The following XDH variants were observed in gnomAD, a reference collection of about 807,000 sequenced individuals.
The protein encoded by XDH is xanthine dehydrogenase.
Under a neutral mutation model 156.1 loss-of-function variants are expected in XDH, and 138 were observed. That is an observed-to-expected ratio of 0.88 (90% confidence interval 0.77 to 1.02). The LOEUF (loss-of-function observed/expected upper bound fraction) is 1.02. Among genes scored for constraint, XDH ranks in the 50% least tolerant of loss-of-function variants. XDH has a pLI of 0.00. For missense variants in XDH, 1,849 were observed against 1,684.9 expected (o/e 1.10, Z -1.71); for synonymous variants, 669 against 625.7 (o/e 1.07, Z -1.03).
At chr2:31,381,970 AGT>A (rs1686447815) in intron 11 of XDH, among the ~76,000 whole-genome samples, 1 of 152,292 alleles carries the variant, frequency 6.6e-6, no homozygotes, top group East Asian at 1.9e-4. Flanking sequence ...AGCCCCTTTA[AGT>A]GTGTGTGTTT....
chr2:31,336,758 C>A (rs559713792), intron 35 of XDH, among the ~76,000 whole-genome samples: 3 of 145,596 alleles, frequency 2.1e-5, no homozygotes, highest in African/African-American at 7.6e-5. Context: ...GTGCCCTCCC[C>A]ACTTGGGACC....
chr2:31,368,142 G>A (rs1685972645), intron 19 of XDH, 85 bp from the exon 20 acceptor site: 1 of 1,237,416 alleles, frequency 8.1e-7, no homozygotes. Context: ...GAAGCTCTCT[G>A]AATTGTTGAC....
chr2:31,397,617 G>A, intron 6 of XDH, 51 bp downstream of exon 6: 6 of 1,609,130 alleles, frequency 3.7e-6, no homozygotes, highest in African/African-American at 1.3e-5. Flanking sequence ...TGATTTCTGA[G>A]TGTTGCCATT....
At position 31,375,389 on chromosome 2, in the gene XDH, G is replaced by A. The variant is rs538507589; in HGVS notation, c.1593C>T (p.Asn531=). The change falls in exon 15 of 36, where the codon AAC becomes AAT. Residue 531 remains asparagine (N), a synonymous_variant. Transcript: ENST00000379416. ...LTVLQKLGQE[N]LEDKCGKLDP... is the part of the protein sequence containing the mutation. ...GCCAGGCCCCACTCACGTCTTCCAGGTTCTCTTGGCCCAGCTTCTGAAGGA... is the reference window on the plus strand; with the variant it reads ...GCCAGGCCCCACTCACGTCTTCCAGATTCTCTTGGCCCAGCTTCTGAAGGA... 36 of 1,614,164 alleles carry A rather than the reference G, an allele frequency of 2.2e-5. 1 individual carries two copies. In the South Asian group the frequency reaches 3.8e-4, roughly 17 times the overall value.
chr2:31,382,243 A>G (rs1686454981), intron 11 of XDH, among the ~76,000 whole-genome samples: 1 of 152,138 alleles, frequency 6.6e-6, no homozygotes, highest in African/African-American at 2.4e-5. Flanking sequence ...TCCTGGAAAT[A>G]GATTTTAGCA....
At chr2:31,381,544 T>G in intron 12 of XDH, 89 bp downstream of exon 12, 44 of 1,344,160 alleles carry the variant, frequency 3.3e-5, no homozygotes, top group African/African-American at 4.3e-5. Context: ...CACTGAACTT[T>G]GAGCTCTGTT....
intron 6 of XDH, among the ~76,000 whole-genome samples, chr2:31,390,257 G>C (rs1026068649): frequency 2.1e-4 from 32 of 152,154 alleles, no homozygotes; most frequent in Non-Finnish European, 4.0e-4. Flanking sequence ...TCATAGAATA[G>C]ATATCATACA....
rs573576728 is a variant in XDH at position 31,345,251 on chromosome 2, A to G, written c.3352-515T>C. On this transcript the variant is annotated intron_variant, in intron 30 of 35. Coordinates refer to ENST00000379416, the MANE Select transcript of XDH (RefSeq NM_000379.4). ...CTTTTCTTCCCTCAACAACTACTCA[A>G]ACTTGCCCTCCATTCTCCCCTCCTT... Among the ~76,000 whole-genome samples, 11 of 152,012 alleles carry G rather than the reference A, an allele frequency of 7.2e-5. No homozygotes were observed. In the South Asian group the frequency reaches 2.3e-3, roughly 32 times the overall value.
rs1364671228 is a variant in XDH, at chr2:31,334,862, C to T, written c.*1096G>A. On this transcript the variant is annotated 3_prime_UTR_variant, in exon 36 of 36. Transcript: ENST00000379416. ...TGGTTGGGCTTGATTTTGATAGCAGCATTTTTATTTCTTTTTTTTTCTTCA... is the reference window on the plus strand; with the variant it reads ...TGGTTGGGCTTGATTTTGATAGCAGTATTTTTATTTCTTTTTTTTTCTTCA... 1.3e-5 allele frequency: 2 copies of T among 152,082 alleles called. No homozygotes were observed. The highest frequency in any genetic ancestry group is 2.9e-5 in the Non-Finnish European group (2 of 68,016). 9.4% of individuals were successfully genotyped at this position (152,082 alleles called of 1,614,324 possible).
intron 6 of XDH, among the ~76,000 whole-genome samples, chr2:31,396,271 A>G (rs1000930381): frequency 1.3e-5 from 2 of 152,188 alleles, no homozygotes; most frequent in South Asian, 2.1e-4. Flanking sequence ...CCAGGAGGGA[A>G]GGCAACTGCT....
chr2:31,404,087 A>T (rs1162523632), intron 2 of XDH, among the ~76,000 whole-genome samples: 1 of 152,212 alleles, frequency 6.6e-6, no homozygotes, highest in Non-Finnish European at 1.5e-5. Flanking sequence ...GATTTAAAAA[A>T]AACAACAAAC....
At position 31,388,313 on chromosome 2, in the gene XDH, A is replaced by T; in HGVS notation, c.496-18T>A. On this transcript the variant is annotated intron_variant, in intron 6 of 35. Coordinates refer to ENST00000379416, the MANE Select transcript of XDH (RefSeq NM_000379.4). ...CCACCATCCTAGAGAGATGATGAACATCTGCACAAGGGTATTTACAAAGAG... is the reference window on the plus strand; with the variant it reads ...CCACCATCCTAGAGAGATGATGAACTTCTGCACAAGGGTATTTACAAAGAG... 6.2e-7 allele frequency: 1 copy of T among 1,613,400 alleles called. No homozygotes were observed. The highest frequency in any genetic ancestry group is 8.5e-7 in the Non-Finnish European group (1 of 1,179,326).
chr2:31,387,488 A>T (rs2147994026), intron 8 of XDH, among the ~76,000 whole-genome samples: 2 of 152,292 alleles, frequency 1.3e-5, no homozygotes, highest in South Asian at 4.2e-4. Flanking sequence ...CAGGAGATCA[A>T]CAAATGGTTA....
intron 9 of XDH, 21 bp downstream of exon 9, chr2:31,386,393 G>A: frequency 6.2e-7 from 1 of 1,610,614 alleles, no homozygotes; most frequent in African/African-American, 1.3e-5. Flanking sequence ...GCAGCCCCAG[G>A]GCAGCCTCCC....
At chr2:31,402,514 G>C (rs1378706253) in intron 3 of XDH, among the ~76,000 whole-genome samples, 1 of 152,182 alleles carries the variant, frequency 6.6e-6, no homozygotes, top group Non-Finnish European at 1.5e-5. Context: ...GAGAGATCCA[G>C]GATGGCTTCC....
chr2:31,397,729 C>T lies in XDH; in HGVS notation c.434G>A (p.Gly145Glu), dbSNP rs149508779. 1 of 1,614,150 alleles carries T rather than the reference C, an allele frequency of 6.2e-7. No individual in the cohort carries two copies. Among genetic ancestry groups the T allele is most frequent in the Non-Finnish European group, 8.5e-7 (1 of 1,180,022 alleles). Residue 145 changes from glycine (G) to glutamate (E), a missense_variant and splice_region_variant, in exon 6 of 36, where the codon GGA becomes GAA. By Grantham distance (98) the Gly-to-Glu change is moderately conservative. Transcript: ENST00000379416. ...GTAGCCTGTGCAGCGGCACAGATTT[C>T]CTGTGGGCCAAGGAAAAAACTGCAA... The part of the protein sequence containing the change: ...TMEEIENAFQ[G>E]NLCRCTGYRP...
chr2:31,391,544 T>A (rs1193505303), intron 6 of XDH, among the ~76,000 whole-genome samples: 1 of 152,218 alleles, frequency 6.6e-6, no homozygotes, highest in Non-Finnish European at 1.5e-5. Flanking sequence ...CAAAATAATT[T>A]ACTGGGATTT....
In XDH at chr2:31,403,116, A is replaced by G; in HGVS notation, c.129T>C (p.Cys43=). Residue 43 remains cysteine (C), a synonymous_variant, in exon 3 of 36, where the codon TGT becomes TGC. Transcript: ENST00000379416. ...TGCAAGCCCCGCAGCCCCCCTCTCC[A>G]CAGCCGAGCTTGGTTCCACTCAGCC... is the stretch of plus-strand genomic sequence containing the variant. ...KLGLSGTKLG[C]GEGGCGACTV... is the part of the protein sequence containing the mutation. 6.2e-7 allele frequency: 1 copy of G among 1,614,128 alleles called. No homozygotes were observed. The highest frequency in any genetic ancestry group is 8.5e-7 in the Non-Finnish European group (1 of 1,180,016).
intron 24 of XDH, among the ~76,000 whole-genome samples, chr2:31,362,623 G>C (rs1295186351): frequency 6.6e-6 from 1 of 152,102 alleles, no homozygotes; most frequent in Non-Finnish European, 1.5e-5. Context: ...CTAAAATTCA[G>C]CTCATCTTGA....
Sources: allele counts gnomAD v4.1 joint callset (sites outside exome capture counted in the v4.1 genomes callset), GRCh38; gene constraint gnomAD v4.1.1; transcripts MANE v1.5; gene names NCBI Gene and HGNC (gene_info 2026-07-23, HGNC 2026-07-21).